RFX3: variants seen among roughly 807,000 people sequenced by gnomAD.
RFX3 encodes the protein transcription factor RFX3.
A neutral mutation model predicts 98.6 loss-of-function variants in RFX3; 14 were observed. That is an observed-to-expected ratio of 0.14 (90% CI 0.09 to 0.22). The LOEUF (loss-of-function observed/expected upper bound fraction) is 0.22, where lower values mean the gene tolerates loss of function less well. Among genes scored for constraint, RFX3 ranks in the 10% least tolerant of loss-of-function variants. The pLI, the probability that RFX3 is intolerant of heterozygous loss-of-function variation, is 1.00. For synonymous variants in RFX3, 383 were observed against 328.4 expected (o/e 1.17, Z -1.80); for missense variants, 639 against 926.9 (o/e 0.69, Z 4.03).
chr9:3,283,850 T>G (rs1826236237), intron 7 of RFX3, among the ~76,000 whole-genome samples: 1 of 137,246 alleles, frequency 7.3e-6, no homozygotes, highest in Non-Finnish European at 1.5e-5. Context: ...ATGCAAAAAT[T>G]TTATTACGTG....
At chr9:3,465,581 A>T (rs1468673946) in intron 1 of RFX3, among the ~76,000 whole-genome samples, 1 of 151,736 alleles carries the variant, frequency 6.6e-6, no homozygotes, top group Non-Finnish European at 1.5e-5. Context: ...TGAGATTACA[A>T]GCGTGAGCCG....
At chr9:3,366,660 T>TTCTTTC (rs995874087) in intron 2 of RFX3, among the ~76,000 whole-genome samples, 9 of 151,828 alleles carry the variant, frequency 5.9e-5, no homozygotes, top group East Asian at 5.8e-4. Flanking sequence ...TCCTTTCCTT[T>TTCTTTC]TCTTTCTCTT....
chr9:3,416,674 A>G, intron 1 of RFX3, among the ~76,000 whole-genome samples: 1 of 152,178 alleles, frequency 6.6e-6, no homozygotes, highest in East Asian at 1.9e-4. Context: ...GTACACTGTG[A>G]TAAGTTGAAG....
intron 1 of RFX3, among the ~76,000 whole-genome samples, chr9:3,467,253 T>C (rs1233870809): frequency 2.1e-5 from 3 of 145,322 alleles, no homozygotes; most frequent in Non-Finnish European, 4.5e-5. Flanking sequence ...ATATTATATA[T>C]ACATATATAT....
chr9:3,427,871 G>A (rs1049133250), intron 1 of RFX3, among the ~76,000 whole-genome samples: 1 of 152,052 alleles, frequency 6.6e-6, no homozygotes, highest in East Asian at 1.9e-4. Flanking sequence ...TTTCTGTGCA[G>A]CCTTCACCCT....
intron 2 of RFX3, among the ~76,000 whole-genome samples, chr9:3,383,207 T>C (rs1356601551): frequency 1.3e-5 from 2 of 152,160 alleles, no homozygotes; most frequent in African/African-American, 4.8e-5. Flanking sequence ...ACTTAGAGTC[T>C]GAGTTTAGGT....
At chr9:3,327,638 T>A (rs899705357) in intron 4 of RFX3, among the ~76,000 whole-genome samples, 1 of 152,034 alleles carries the variant, frequency 6.6e-6, no homozygotes, top group Non-Finnish European at 1.5e-5. Context: ...AAAATCACCT[T>A]AGAATTTTTA....
At chr9:3,259,292 A>G (rs1822555442) in intron 13 of RFX3, among the ~76,000 whole-genome samples, 1 of 152,050 alleles carries the variant, frequency 6.6e-6, no homozygotes, top group African/African-American at 2.4e-5. Context: ...TGCCAAGAAA[A>G]GATGATAATC....
At chr9:3,489,052 TAATA>T (rs1850517112) in intron 1 of RFX3, among the ~76,000 whole-genome samples, 2 of 152,130 alleles carry the variant, frequency 1.3e-5, no homozygotes, top group Admixed American at 1.3e-4. Flanking sequence ...GATAAATTAT[TAATA>T]CTTTTCAAAA....
At chr9:3,247,897 T>C in intron 15 of RFX3, 135 bp downstream of exon 15, 1 of 1,610,394 alleles carries the variant, frequency 6.2e-7, no homozygotes, top group African/African-American at 1.3e-5. Context: ...TTGCAATAAC[T>C]CCACAGTCCC....
intron 1 of RFX3, among the ~76,000 whole-genome samples, chr9:3,442,520 A>C (rs1396741462): frequency 1.3e-5 from 2 of 152,202 alleles, no homozygotes; most frequent in Non-Finnish European, 2.9e-5. Flanking sequence ...AAAATGTAGA[A>C]TCCTGGAACA....
At chr9:3,275,699 A>T in intron 8 of RFX3, 87 bp from the exon 9 acceptor site, 1 of 700,246 alleles carries the variant, frequency 1.4e-6, no homozygotes, top group Non-Finnish European at 2.4e-6. Context: ...AAGACCAAAA[A>T]GAAAAACAAA....
chr9:3,467,128 A>AT lies in RFX3; in HGVS notation c.-9+58618_-9+58619insA, dbSNP rs1373773466. Among the ~76,000 whole-genome samples, 105 of 142,314 alleles carry AT rather than the reference A, an allele frequency of 7.4e-4. 2 individuals are homozygous for AT. Among genetic ancestry groups the AT allele is most frequent in the African/African-American group, 2.2e-3 (84 of 37,856 alleles). 93.4% of individuals were successfully genotyped at this position (142,314 alleles called of 152,430 possible). A position where few individuals can be genotyped will look rare whatever the true frequency, so the allele number is the denominator to read the frequency against. On this transcript the variant is annotated intron_variant, in intron 1 of 16. Coordinates refer to ENST00000617270, the MANE Select transcript of RFX3 (RefSeq NM_001282116.2). ...TATATGTATATACATACATATATGT[A>AT]AGTATATATGTATATACATAATATA... is the stretch of plus-strand genomic sequence containing the variant.
chr9:3,504,127 C>G (rs1270601192), intron 1 of RFX3, among the ~76,000 whole-genome samples: 1 of 126,102 alleles, frequency 7.9e-6, no homozygotes, highest in African/African-American at 3.8e-5. Context: ...CTCCCTCTCT[C>G]TTTATATATA....
chr9:3,400,707 G>A (rs11793730), intron 1 of RFX3, among the ~76,000 whole-genome samples: 5 of 152,142 alleles, frequency 3.3e-5, no homozygotes, highest in Non-Finnish European at 7.4e-5. Flanking sequence ...CAGATTAACT[G>A]AAAAGTTCAT....
At chr9:3,366,710 CTTTCTTTCTT>C (rs763269591) in intron 2 of RFX3, among the ~76,000 whole-genome samples, 3 of 91,940 alleles carry the variant, frequency 3.3e-5, no homozygotes, top group Non-Finnish European at 6.6e-5. Flanking sequence ...TTCTTTCTTT[CTTTCTTTCTT>C]TCTTTCTTTC....
At chr9:3,375,107 T>C (rs1838311507) in intron 2 of RFX3, among the ~76,000 whole-genome samples, 1 of 152,198 alleles carries the variant, frequency 6.6e-6, no homozygotes, top group African/African-American at 2.4e-5. Flanking sequence ...TTACTCAAGC[T>C]CTCTACAGAG....
chr9:3,478,741 T>C (rs1471763218), intron 1 of RFX3, among the ~76,000 whole-genome samples: 1 of 152,176 alleles, frequency 6.6e-6, no homozygotes, highest in Non-Finnish European at 1.5e-5. Flanking sequence ...TACCCAGGAA[T>C]ATGCCAGAGC....
At chr9:3,332,478 G>C (rs565379777) in intron 3 of RFX3, among the ~76,000 whole-genome samples, 1 of 152,102 alleles carries the variant, frequency 6.6e-6, no homozygotes, top group Admixed American at 6.5e-5. Flanking sequence ...TCAGATTTTG[G>C]ATTTTGCATT....
Sources: allele counts gnomAD v4.1 joint callset (sites outside exome capture counted in the v4.1 genomes callset), GRCh38; gene constraint gnomAD v4.1.1; transcripts MANE v1.5; gene names NCBI Gene and HGNC (gene_info 2026-07-23, HGNC 2026-07-21).